The following KCNQ2 variants were observed in gnomAD, a reference collection of about 807,000 sequenced individuals.
The protein encoded by KCNQ2 is potassium voltage-gated channel subfamily KQT member 2.
In KCNQ2, 14 loss-of-function variants were observed where a neutral mutation model predicts 84.8. The ratio of observed to expected loss-of-function variants is 0.17; its 90% confidence interval spans 0.11 to 0.26. The LOEUF (loss-of-function observed/expected upper bound fraction) is 0.26, where lower values mean the gene tolerates loss of function less well. Among genes scored for constraint, KCNQ2 ranks in the 10% least tolerant of loss-of-function variants. KCNQ2 has a pLI of 1.00. For synonymous variants in KCNQ2, 599 were observed against 554.1 expected (o/e 1.08, Z -1.14); for missense variants, 788 against 1,254.0 (o/e 0.63, Z 5.61).
chr20:63,408,485 G>T lies in KCNQ2; in HGVS notation c.1815C>A (p.Thr605=). 6.2e-7 allele frequency: 1 copy of T among 1,608,334 alleles called. No homozygotes were observed. The part of the protein sequence containing the change: ...RGPAITDKDR[T]KGPAEAELPE... The stretch of plus-strand genomic sequence containing the variant: ...GCAGCTCCGCCTCGGCCGGGCCCTT[G>T]GTGCGGTCCTTGTCCGTGATCGCTG... Residue 605 remains threonine (T), a synonymous_variant, in exon 16 of 17, where the codon ACC becomes ACA. Coordinates refer to ENST00000359125, the MANE Select transcript of KCNQ2 (RefSeq NM_172107.4). The surrounding 1 kb of genome is among the most constrained non-coding windows in gnomAD (Gnocchi z 5.0).
In KCNQ2 at chr20:63,406,676, CA is replaced by C; in HGVS notation, c.2586del (p.Phe862LeufsTer68). The stretch of plus-strand genomic sequence containing the variant: ...CTGGGCCCGGCCCAGCCCACGTCAC[CA>C]AAGGGACCCTCGCCGGTGGCCGAGC... ...PPRSATGEGPFGDVGWAGPRK is the reference protein window; with the variant it reads ...PPRSATGEGPXGDVGWAGPRK On this transcript the variant is annotated frameshift_variant, in exon 17 of 17. Coordinates refer to ENST00000359125, the MANE Select transcript of KCNQ2 (RefSeq NM_172107.4). LOFTEE classifies it high-confidence loss of function. The C allele has an allele frequency of 6.2e-7, 1 of 1,602,594 alleles. No individual in the cohort carries two copies. The highest frequency in any genetic ancestry group is 8.5e-7 in the Non-Finnish European group (1 of 1,176,960).
chr20:63,429,285 A>T (rs2145643185), intron 9 of KCNQ2, among the ~76,000 whole-genome samples: 1 of 142,854 alleles, frequency 7.0e-6, no homozygotes, highest in Admixed American at 6.9e-5. Context: ...CGGCTCCCTG[A>T]CCCACCTGAA....
intron 15 of KCNQ2, 61 bp downstream of exon 15, chr20:63,413,389 C>CT: frequency 1.2e-6 from 2 of 1,605,308 alleles, no homozygotes; most frequent in Non-Finnish European, 1.7e-6. Context: ...CCACAGTGGG[C>CT]TTTGTCCCAG....
chr20:63,439,764 G>C, intron 5 of KCNQ2, 56 bp from the exon 6 acceptor site: 1 of 1,358,878 alleles, frequency 7.4e-7, no homozygotes, highest in South Asian at 1.2e-5. Context: ...CCTGAGGGCA[G>C]GCTGGACGCC....
In KCNQ2 at chr20:63,408,544, G is replaced by C; in HGVS notation, c.1764-8C>G. ...CCCACGATCTGGTCCACTCTACCGGGAACAGAGACCCCAAAGCATGAGTTC... is the reference window on the plus strand; with the variant it reads ...CCCACGATCTGGTCCACTCTACCGGCAACAGAGACCCCAAAGCATGAGTTC... On this transcript the variant is annotated splice_polypyrimidine_tract_variant and splice_region_variant and intron_variant, in intron 15 of 16. Transcript: ENST00000359125. This position sits in a 1 kb window ranked among gnomAD's most constrained non-coding sequence, Gnocchi z 5.0. The C allele has an allele frequency of 1.2e-5, 20 of 1,610,594 alleles. No homozygotes were observed. The highest frequency in any genetic ancestry group is 1.7e-5 in the Non-Finnish European group (20 of 1,179,264).
chr20:63,431,305 C>G (rs1310450222), intron 9 of KCNQ2, 35 bp downstream of exon 9: 4 of 1,612,866 alleles, frequency 2.5e-6, no homozygotes, highest in Non-Finnish European at 3.4e-6. Context: ...TAGAACCACA[C>G]ACACACACAG....
intron 15 of KCNQ2, chr20:63,409,902 C>T (rs2080068022): frequency 8.2e-6 from 1 of 122,224 alleles, no homozygotes; most frequent in Non-Finnish European, 1.7e-5. Context: ...CTTCCTGCCA[C>T]TGGGCTGCCC....
chr20:63,416,712 G>A (rs1389528565), intron 12 of KCNQ2, among the ~76,000 whole-genome samples: 1 of 152,108 alleles, frequency 6.6e-6, no homozygotes, highest in Non-Finnish European at 1.5e-5. Context: ...TGAGGCCCCG[G>A]TCAGCAGCCA....
chr20:63,441,626 C>T (rs2081164683), intron 5 of KCNQ2, among the ~76,000 whole-genome samples: 1 of 138,556 alleles, frequency 7.2e-6, no homozygotes, highest in Non-Finnish European at 1.6e-5. Flanking sequence ...CCCACCCTGA[C>T]CCTGTGGTGG....
chr20:63,430,030 G>A (rs986521524), intron 9 of KCNQ2, among the ~76,000 whole-genome samples: 36 of 152,176 alleles, frequency 2.4e-4, no homozygotes, highest in Non-Finnish European at 2.4e-4. Context: ...GCCGGAGTCT[G>A]TCTGGGGGCC....
rs2079932917 is a variant in KCNQ2, at chr20:63,406,392, C to G, written c.*252G>C. ...GCCCTGAGCAGAGTGGACAGGGCAG[C>G]CTTGCTCCTGCACGCTGCTCCTGGA... On this transcript the variant is annotated 3_prime_UTR_variant, in exon 17 of 17. Coordinates refer to ENST00000359125, the MANE Select transcript of KCNQ2 (RefSeq NM_172107.4). The G allele has an allele frequency of 1.8e-6, 1 of 544,708 alleles. No homozygotes were observed. Among genetic ancestry groups the G allele is most frequent in the African/African-American group, 1.9e-5 (1 of 52,668 alleles). The allele number at this position is 544,708 out of a possible 1,614,324, so 33.7% of individuals were successfully genotyped here. A position where few individuals can be genotyped will look rare whatever the true frequency, so the allele number is the denominator to read the frequency against.
At chr20:63,419,876 A>G (rs1034629543) in intron 11 of KCNQ2, among the ~76,000 whole-genome samples, 10 of 148,432 alleles carry the variant, frequency 6.7e-5, no homozygotes, top group African/African-American at 2.3e-4. Flanking sequence ...CTGAAGGAAA[A>G]AAATCCCTGT....
rs1006507788 is a variant in KCNQ2 at position 63,408,690 on chromosome 20, G to T, written c.1764-154C>A. Among the ~76,000 whole-genome samples, 2 of 152,220 alleles carry T rather than the reference G, an allele frequency of 1.3e-5. No individual in the cohort carries two copies. The highest frequency in any genetic ancestry group is 2.9e-5 in the Non-Finnish European group (2 of 68,022). ...GCAGTGGGTGCCAGGACAGATGGAC[G>T]GGGTGCGCCCCGTTCTCAGCCCGTC... is the stretch of plus-strand genomic sequence containing the variant. On this transcript the variant is annotated intron_variant, in intron 15 of 16. Transcript: ENST00000359125. This position sits in a 1 kb window ranked among gnomAD's most constrained non-coding sequence, Gnocchi z 5.0.
At chr20:63,461,572 C>CG (rs1234240425) in intron 1 of KCNQ2, among the ~76,000 whole-genome samples, 2 of 152,162 alleles carry the variant, frequency 1.3e-5, no homozygotes, top group African/African-American at 2.4e-5. Flanking sequence ...GCCAGCACCC[C>CG]GGGGGCCGGC....
rs570666837 is a variant in KCNQ2, at chr20:63,417,602, A to G, written c.1301+2017T>C. Among the ~76,000 whole-genome samples the G allele has an allele frequency of 6.6e-5, 10 of 152,316 alleles. No individual in the cohort carries two copies. The South Asian group carries it at 1.9e-3, about 28-fold the overall frequency. On this transcript the variant is annotated intron_variant, in intron 12 of 16. Transcript: ENST00000359125. ...GCACAGCTTGAGGAATGGGCATCAG[A>G]TTCCCACCTGCGGCCCCGGAGGGGA...
In KCNQ2 at chr20:63,454,151, A is replaced by G. The variant is rs562482511; in HGVS notation, c.297-7314T>C. On this transcript the variant is annotated intron_variant, in intron 1 of 16. Transcript: ENST00000359125. ...ACCAGGAGGAATAAAGCCAGAATTC[A>G]GGGAGATGAATCTCGCAGCCAGGCC... 2.2e-4 allele frequency among the ~76,000 whole-genome samples: 34 copies of G among 152,276 alleles called. No homozygotes were observed. In the South Asian group the frequency reaches 6.6e-3, roughly 30 times the overall value.
intron 1 of KCNQ2, chr20:63,458,849 G>C (rs998555187): frequency 6.6e-6 from 1 of 152,470 alleles, no homozygotes; most frequent in East Asian, 1.9e-4. Flanking sequence ...TCCGCACAGC[G>C]GGAAGAGCAA....
intron 1 of KCNQ2, among the ~76,000 whole-genome samples, chr20:63,449,730 G>A (rs997945773): frequency 2.0e-5 from 3 of 152,214 alleles, no homozygotes; most frequent in African/African-American, 7.2e-5. Context: ...CCTGGGAGAA[G>A]AGGGAAGAGG....
chr20:63,438,490 C>A lies in KCNQ2; in HGVS notation c.1023+135G>T. 1 of 773,952 alleles carries A rather than the reference C, an allele frequency of 1.3e-6. No homozygotes were observed. 47.9% of individuals were successfully genotyped at this position (773,952 alleles called of 1,614,324 possible). ...ACACTTCACATCCTCGCTCCTTCCA[C>A]AGATTCCTGCAGAGGGTGAGCGCTG... On this transcript the variant is annotated intron_variant, in intron 7 of 16. Coordinates refer to ENST00000359125, the MANE Select transcript of KCNQ2 (RefSeq NM_172107.4). The surrounding 1 kb of genome is among the most constrained non-coding windows in gnomAD (Gnocchi z 5.1).
Sources: gnomAD v4.1 joint callset for allele counts (sites outside exome capture counted in the v4.1 genomes callset) on GRCh38, gnomAD v4.1.1 for gene constraint, Gnocchi (gnomAD v3.1) non-coding constraint, MANE v1.5 for transcripts, NCBI Gene and HGNC (gene_info 2026-07-23, HGNC 2026-07-21) for gene names.